Variants in SIDT1 observed in about 807,000 individuals in gnomAD.
SIDT1 encodes the protein SID1 transmembrane family, member 1.
A neutral mutation model predicts 107.5 loss-of-function variants in SIDT1; 101 were observed. That is an observed-to-expected ratio of 0.94 (90% CI 0.80 to 1.11). The LOEUF (loss-of-function observed/expected upper bound fraction) is 1.11. Ranked by LOEUF, SIDT1 falls within the 50% of genes least tolerant of loss-of-function variation. The pLI is 0.00. For synonymous variants in SIDT1, 395 were observed against 398.2 expected (o/e 0.99, Z 0.10); for missense variants, 1,076 against 1,058.2 (o/e 1.02, Z -0.23).
intron 17 of SIDT1, among the ~76,000 whole-genome samples, 159 bp downstream of exon 17, chr3:113,608,695 G>A (rs1945521931): frequency 6.6e-6 from 1 of 152,176 alleles, no homozygotes; most frequent in Non-Finnish European, 1.5e-5. Flanking sequence ...ACCTAATTGA[G>A]CAGTTAGACT....
intron 11 of SIDT1, chr3:113,602,451 T>C (rs1444559189): frequency 6.6e-6 from 1 of 152,266 alleles, no homozygotes; most frequent in Non-Finnish European, 1.5e-5. Context: ...CATGTGCCCA[T>C]CAAGCTGCAT....
chr3:113,578,600 C>T (rs2107493566), intron 4 of SIDT1, among the ~76,000 whole-genome samples: 1 of 152,090 alleles, frequency 6.6e-6, no homozygotes, highest in South Asian at 2.1e-4. Context: ...GTAATCCCAA[C>T]ACTTTGGGAG....
At chr3:113,569,679 A>G (rs1485718422) in intron 3 of SIDT1, among the ~76,000 whole-genome samples, 1 of 152,130 alleles carries the variant, frequency 6.6e-6, no homozygotes, top group Non-Finnish European at 1.5e-5. Context: ...GGTGTTGAAA[A>G]AGGTGACATG....
chr3:113,576,056 A>G (rs1942875442), intron 3 of SIDT1, among the ~76,000 whole-genome samples: 1 of 152,204 alleles, frequency 6.6e-6, no homozygotes, highest in Non-Finnish European at 1.5e-5. Flanking sequence ...TAGTCCTTAT[A>G]AAACTATAGA....
intron 4 of SIDT1, among the ~76,000 whole-genome samples, chr3:113,578,466 CAAAAA>C (rs1180260673): frequency 1.3e-5 from 1 of 75,092 alleles, no homozygotes. Context: ...GACTCTGTCT[CAAAAA>C]AAAAAAAAAA....
intron 1 of SIDT1, among the ~76,000 whole-genome samples, chr3:113,546,448 A>G (rs943925239): frequency 2.0e-5 from 3 of 151,238 alleles, no homozygotes; most frequent in African/African-American, 4.9e-5. Flanking sequence ...GTTTCCATCC[A>G]CTCCTGCCAC....
chr3:113,592,867 T>G, intron 9 of SIDT1, 138 bp from the exon 10 acceptor site: 1 of 726,822 alleles, frequency 1.4e-6, no homozygotes, highest in East Asian at 2.7e-5. Context: ...ATTACAGGTG[T>G]GTGCCACCGC....
chr3:113,631,836 T>C (rs1947097018), downstream of SIDT1, among the ~76,000 whole-genome samples: 1 of 152,358 alleles, frequency 6.6e-6, no homozygotes, highest in East Asian at 1.9e-4. Flanking sequence ...CAAAAAAGAC[T>C]AGATGGATAC....
At chr3:113,535,765 A>G (rs1938081453) in intron 1 of SIDT1, among the ~76,000 whole-genome samples, 2 of 152,238 alleles carry the variant, frequency 1.3e-5, no homozygotes, top group Admixed American at 6.5e-5. Context: ...TCTGGGACCA[A>G]TCTTTAATAT....
intron 1 of SIDT1, among the ~76,000 whole-genome samples, chr3:113,548,311 G>A (rs565930946): frequency 1.1e-4 from 16 of 152,164 alleles, no homozygotes; most frequent in African/African-American, 3.9e-4. Context: ...AATACATAAT[G>A]TTGTGTATCC....
At chr3:113,552,106 G>A (rs1940317767) in intron 1 of SIDT1, among the ~76,000 whole-genome samples, 2 of 152,146 alleles carry the variant, frequency 1.3e-5, no homozygotes, top group South Asian at 2.1e-4. Context: ...TTAAATAAAC[G>A]CCTACCTGGA....
chr3:113,633,920 T>C (rs1947108468), downstream of SIDT1, among the ~76,000 whole-genome samples: 1 of 152,168 alleles, frequency 6.6e-6, no homozygotes. Flanking sequence ...TTTTAAAATA[T>C]CATGTTGGGA....
At chr3:113,557,473 G>A (rs568575949) in intron 1 of SIDT1, among the ~76,000 whole-genome samples, 2 of 152,230 alleles carry the variant, frequency 1.3e-5, no homozygotes, top group South Asian at 2.1e-4. Context: ...ATAAGAAGAG[G>A]GAAATTTGGA....
chr3:113,544,294 T>C (rs1939309870), intron 1 of SIDT1, among the ~76,000 whole-genome samples: 1 of 151,990 alleles, frequency 6.6e-6, no homozygotes, highest in Non-Finnish European at 1.5e-5. Flanking sequence ...AGGTTCAAGC[T>C]AGTCCCCTGC....
At chr3:113,598,894 A>G (rs192670072) in intron 10 of SIDT1, among the ~76,000 whole-genome samples, 1 of 152,356 alleles carries the variant, frequency 6.6e-6, no homozygotes, top group East Asian at 1.9e-4. Flanking sequence ...TGGGAGGCCA[A>G]GACTGGAGGA....
chr3:113,535,015 G>A (rs147670449), intron 1 of SIDT1, among the ~76,000 whole-genome samples: 2 of 152,336 alleles, frequency 1.3e-5, no homozygotes, highest in African/African-American at 4.8e-5. Context: ...GCTCACACCT[G>A]TAATCCCAGC....
chr3:113,565,577 C>T (rs1418341280), intron 1 of SIDT1, among the ~76,000 whole-genome samples: 2 of 152,062 alleles, frequency 1.3e-5, no homozygotes, highest in African/African-American at 4.8e-5. Flanking sequence ...CTATCTAAAT[C>T]CAAAGTTACA....
intron 1 of SIDT1, among the ~76,000 whole-genome samples, chr3:113,545,174 G>A (rs912038887): frequency 1.5e-5 from 2 of 136,766 alleles, no homozygotes; most frequent in East Asian, 2.3e-4. Context: ...TTGATACTAC[G>A]TAAATATCCT....
intron 10 of SIDT1, among the ~76,000 whole-genome samples, chr3:113,600,876 G>C (rs748111956): frequency 2.0e-5 from 3 of 152,130 alleles, no homozygotes; most frequent in Non-Finnish European, 2.9e-5. Flanking sequence ...ATTTATGAGG[G>C]GATCTCCAAG....
Sources: allele counts gnomAD v4.1 joint callset (sites outside exome capture counted in the v4.1 genomes callset), GRCh38; gene constraint gnomAD v4.1.1; transcripts MANE v1.5; gene names NCBI Gene and HGNC (gene_info 2026-07-23, HGNC 2026-07-21).